SPRYD7: variants seen among roughly 807,000 people sequenced by gnomAD.
SPRYD7 encodes SPRY domain-containing protein 7.
Under a neutral mutation model 23.8 loss-of-function variants are expected in SPRYD7, and 14 were observed. That is an observed-to-expected ratio of 0.59 (90% CI 0.39 to 0.92). The LOEUF (loss-of-function observed/expected upper bound fraction) is 0.92. Among genes scored for constraint, SPRYD7 ranks in the 40% least tolerant of loss-of-function variants. SPRYD7 has a pLI of 0.00. For missense variants in SPRYD7, 194 were observed against 241.7 expected (o/e 0.80, Z 1.31); for synonymous variants, 75 against 84.9 (o/e 0.88, Z 0.64).
chr13:49,928,302 C>T (rs1955906808), intron 2 of SPRYD7, among the ~76,000 whole-genome samples: 1 of 152,154 alleles, frequency 6.6e-6, no homozygotes, highest in African/African-American at 2.4e-5. Flanking sequence ...ATTAGTTGGG[C>T]ATGGGAGCAT....
At chr13:49,931,808 T>C (rs560525213) in intron 1 of SPRYD7, among the ~76,000 whole-genome samples, 34 of 152,056 alleles carry the variant, frequency 2.2e-4, no homozygotes, top group African/African-American at 7.7e-4. Context: ...AATTAGCTGG[T>C]GTGGTGGCAC....
chr13:49,913,612 T>C lies in SPRYD7; in HGVS notation c.*1451A>G, dbSNP rs893315514. The C allele has an allele frequency of 6.6e-6, 1 of 151,846 alleles. No homozygotes were observed. Among genetic ancestry groups the C allele is most frequent in the Admixed American group, 6.6e-5 (1 of 15,232 alleles). The allele number at this position is 151,846 out of a possible 1,614,324, so 9.4% of individuals were successfully genotyped here. A position where few individuals can be genotyped will look rare whatever the true frequency, so the allele number is the denominator to read the frequency against. ...ATCTCGGCTCACTGCAAGCGCCGTCTCCCGGGTTCAAGCCATTCTCCTGCC... is the reference window on the plus strand; with the variant it reads ...ATCTCGGCTCACTGCAAGCGCCGTCCCCCGGGTTCAAGCCATTCTCCTGCC... On this transcript the variant is annotated 3_prime_UTR_variant, in exon 5 of 5. Coordinates refer to ENST00000361840, the MANE Select transcript of SPRYD7 (RefSeq NM_020456.4).
chr13:49,930,956 C>T (rs969153860), intron 2 of SPRYD7, 62 bp downstream of exon 2: 32 of 1,045,812 alleles, frequency 3.1e-5, no homozygotes, highest in Non-Finnish European at 3.8e-5. Context: ...TTATGTGTTA[C>T]AAATTACTCT....
chr13:49,935,052 G>A (rs1238451564), intron 1 of SPRYD7, among the ~76,000 whole-genome samples: 1 of 152,188 alleles, frequency 6.6e-6, no homozygotes, highest in Non-Finnish European at 1.5e-5. Flanking sequence ...ACATTTGGGA[G>A]ATCTGAGAAT....
chr13:49,919,471 G>A (rs578177496), intron 4 of SPRYD7, among the ~76,000 whole-genome samples: 2 of 152,228 alleles, frequency 1.3e-5, no homozygotes, highest in South Asian at 4.1e-4. Flanking sequence ...TTGAACCTGG[G>A]AGGCGGAGGT....
chr13:49,913,945 G>A lies in SPRYD7; in HGVS notation c.*1118C>T, dbSNP rs1328728474. On this transcript the variant is annotated 3_prime_UTR_variant, in exon 5 of 5. Coordinates refer to ENST00000361840, the MANE Select transcript of SPRYD7 (RefSeq NM_020456.4). The stretch of plus-strand genomic sequence containing the variant: ...TCTGAGACTTGGAGAGGAGAAAATA[G>A]GATGAGCAGCAAAACTACAATTTGG... 6.6e-6 allele frequency: 1 copy of A among 152,378 alleles called. No homozygotes were observed. The highest frequency in any genetic ancestry group is 2.4e-5 in the African/African-American group (1 of 41,440). 9.4% of individuals were successfully genotyped at this position (152,378 alleles called of 1,614,324 possible).
Position 49,914,280 on chromosome 13 carries a change from TAATTAC to T in SPRYD7, c.*777_*782del, listed in dbSNP as rs1281095876. ...GTTTAATATAGTATGGTATATTCCTTAATTACAATTATTTTATTATTCCTTACAGAA... is the reference window on the plus strand; with the variant it reads ...GTTTAATATAGTATGGTATATTCCTTAATTATTTTATTATTCCTTACAGAA... On this transcript the variant is annotated 3_prime_UTR_variant, in exon 5 of 5. Transcript: ENST00000361840. The T allele has an allele frequency of 2.6e-5, 4 of 153,780 alleles. No individual in the cohort carries two copies. Among genetic ancestry groups the T allele is most frequent in the African/African-American group, 9.6e-5 (4 of 41,460 alleles). 9.5% of individuals were successfully genotyped at this position (153,780 alleles called of 1,614,324 possible).
intron 2 of SPRYD7, among the ~76,000 whole-genome samples, chr13:49,929,089 G>A (rs1017444843): frequency 6.6e-6 from 1 of 152,110 alleles, no homozygotes; most frequent in Admixed American, 6.5e-5. Context: ...TCCTGCCTCA[G>A]TCTCCCAAAG....
At chr13:49,917,253 G>A (rs982983736) in intron 4 of SPRYD7, among the ~76,000 whole-genome samples, 2 of 152,016 alleles carry the variant, frequency 1.3e-5, no homozygotes, top group African/African-American at 2.4e-5. Flanking sequence ...ACAGGCACCC[G>A]CCACCACACC....
intron 4 of SPRYD7, among the ~76,000 whole-genome samples, chr13:49,920,694 C>T (rs944160271): frequency 5.9e-5 from 9 of 152,118 alleles, no homozygotes; most frequent in African/African-American, 1.9e-4. Context: ...GGCACGGTGA[C>T]TTATACCTGT....
At chr13:49,934,298 C>G (rs1202198489) in intron 1 of SPRYD7, among the ~76,000 whole-genome samples, 1 of 151,980 alleles carries the variant, frequency 6.6e-6, no homozygotes, top group East Asian at 1.9e-4. Context: ...TGGCTCACCC[C>G]TATAATCCCA....
chr13:49,930,028 G>A (rs900142685), intron 2 of SPRYD7, among the ~76,000 whole-genome samples: 3 of 151,206 alleles, frequency 2.0e-5, no homozygotes, highest in East Asian at 2.0e-4. Context: ...GACCTCAGGT[G>A]ATCTGCCCAC....
intron 4 of SPRYD7, among the ~76,000 whole-genome samples, chr13:49,917,853 G>C (rs1955769818): frequency 6.6e-6 from 1 of 152,080 alleles, no homozygotes; most frequent in Non-Finnish European, 1.5e-5. Context: ...ACTAAATTGA[G>C]TTTTAAAACA....
rs369691397 is a variant in SPRYD7, at chr13:49,932,408, C to T, written c.107-1274G>A. ...CTCGTAGAAAATTTTTTAGATGAAACGACATCTATAGATGAGAGTGAGAAA... is the reference window on the plus strand; with the variant it reads ...CTCGTAGAAAATTTTTTAGATGAAATGACATCTATAGATGAGAGTGAGAAA... On this transcript the variant is annotated intron_variant, in intron 1 of 4. Transcript: ENST00000361840. Among the ~76,000 whole-genome samples, 14 of 152,256 alleles carry T rather than the reference C, an allele frequency of 9.2e-5. No homozygotes were observed. In the East Asian group the frequency reaches 9.6e-4, roughly 10 times the overall value.
At chr13:49,927,889 A>G (rs2138232286) in intron 3 of SPRYD7, 30 bp downstream of exon 3, 2 of 1,610,996 alleles carry the variant, frequency 1.2e-6, no homozygotes, top group African/African-American at 1.3e-5. Flanking sequence ...AGTCATTTAC[A>G]GTGGAAAGCA....
intron 2 of SPRYD7, among the ~76,000 whole-genome samples, chr13:49,930,728 T>C (rs567802925): frequency 6.6e-6 from 1 of 152,340 alleles, no homozygotes; most frequent in South Asian, 2.1e-4. Context: ...AAAATACTAG[T>C]GCCTTATATT....
chr13:49,920,551 C>A (rs1329941381), intron 4 of SPRYD7, among the ~76,000 whole-genome samples: 3 of 152,118 alleles, frequency 2.0e-5, no homozygotes, highest in Admixed American at 6.6e-5. Flanking sequence ...ACGGTTATTG[C>A]ATATTTAAGT....
intron 1 of SPRYD7, among the ~76,000 whole-genome samples, chr13:49,934,985 AAAT>A (rs2138245985): frequency 6.6e-6 from 1 of 152,362 alleles, no homozygotes; most frequent in East Asian, 1.9e-4. Flanking sequence ...CATCGTCTAT[AAAT>A]AATGATGGAT....
At chr13:49,916,027 T>G (rs1490433458) in intron 4 of SPRYD7, among the ~76,000 whole-genome samples, 3 of 152,096 alleles carry the variant, frequency 2.0e-5, no homozygotes, top group Non-Finnish European at 4.4e-5. Context: ...TCAGTGGTTG[T>G]TTGGTTGGGG....
Sources: gnomAD v4.1 joint callset for allele counts (sites outside exome capture counted in the v4.1 genomes callset) on GRCh38, gnomAD v4.1.1 for gene constraint, MANE v1.5 for transcripts, NCBI Gene and HGNC (gene_info 2026-07-23, HGNC 2026-07-21) for gene names.